Variants in SLCO1A2 observed in about 807,000 individuals in gnomAD.
The protein encoded by SLCO1A2 is solute carrier organic anion transporter family member 1A2.
SLCO1A2 carries 67 observed loss-of-function variants against 69.0 expected under a neutral mutation model. That is an observed-to-expected ratio of 0.97 (90% CI 0.80 to 1.19). The LOEUF (loss-of-function observed/expected upper bound fraction) is 1.19. Ranked by LOEUF, SLCO1A2 falls within the 50% of genes most tolerant of loss-of-function variation. SLCO1A2 has a pLI of 0.00. For missense variants in SLCO1A2, 787 were observed against 793.7 expected (o/e 0.99, Z 0.10); for synonymous variants, 260 against 265.9 (o/e 0.98, Z 0.22).
At chr12:21,413,309 G>A (rs775463232) in intron 1 of SLCO1A2, among the ~76,000 whole-genome samples, 14 of 128,922 alleles carry the variant, frequency 1.1e-4, no homozygotes, top group Non-Finnish European at 1.9e-4. Flanking sequence ...CACATTCTCT[G>A]TTCACTGCAA....
intron 4 of SLCO1A2, among the ~76,000 whole-genome samples, chr12:21,311,934 G>T (rs1250065254): frequency 6.6e-6 from 1 of 151,380 alleles, no homozygotes; most frequent in African/African-American, 2.4e-5. Context: ...TCAAAAAGAA[G>T]AAAGAAGAAG....
chr12:21,372,483 T>A lies in SLCO1A2; in HGVS notation c.-63+1916A>T, dbSNP rs547065573. Reference sequence around the variant, plus strand: ...ATACACCTTTCCCTTATATCTCCATTTATTCCTGAAGCTTCATGGGATTCA... The same window carrying A: ...ATACACCTTTCCCTTATATCTCCATATATTCCTGAAGCTTCATGGGATTCA... On this transcript the variant is annotated intron_variant, in intron 2 of 15. Transcript: ENST00000307378. 2.0e-5 allele frequency among the ~76,000 whole-genome samples: 3 copies of A among 152,272 alleles called. No homozygotes were observed. In the South Asian group the frequency reaches 6.2e-4, roughly 32 times the overall value.
chr12:21,300,929 A>G (rs1948638641), intron 7 of SLCO1A2, among the ~76,000 whole-genome samples: 1 of 152,214 alleles, frequency 6.6e-6, no homozygotes, highest in African/African-American at 2.4e-5. Flanking sequence ...CAAGAAATAT[A>G]GTTGAAGTGC....
intron 3 of SLCO1A2, among the ~76,000 whole-genome samples, chr12:21,316,168 C>G (rs908160750): frequency 1.3e-5 from 2 of 152,140 alleles, no homozygotes; most frequent in Non-Finnish European, 2.9e-5. Flanking sequence ...TACCACGTTC[C>G]TTCAGTTTGA....
intron 2 of SLCO1A2, among the ~76,000 whole-genome samples, chr12:21,371,056 G>A (rs796632549): frequency 2.2e-4 from 34 of 152,292 alleles, no homozygotes; most frequent in East Asian, 9.6e-4. Context: ...AGCTTACGGC[G>A]GTTTTGCAGT....
chr12:21,384,431 T>C (rs1332540113), intron 1 of SLCO1A2, among the ~76,000 whole-genome samples: 2 of 152,130 alleles, frequency 1.3e-5, no homozygotes, highest in Non-Finnish European at 2.9e-5. Flanking sequence ...ACCATAAAGA[T>C]ACTGGCTCTG....
rs575350657 is a variant in SLCO1A2, at chr12:21,291,880, T to C, written c.1610+284A>G. On this transcript the variant is annotated intron_variant, in intron 12 of 14. Transcript: ENST00000683939. ...CCATTTTATACGGCCTACCCTAAGATATAAATGTGTCTCTTTTGTCACAAA... is the reference window on the plus strand; with the variant it reads ...CCATTTTATACGGCCTACCCTAAGACATAAATGTGTCTCTTTTGTCACAAA... 4.6e-5 allele frequency among the ~76,000 whole-genome samples: 7 copies of C among 152,246 alleles called. No individual in the cohort carries two copies. The East Asian group carries it at 1.2e-3, about 25-fold the overall frequency.
chr12:21,299,618 T>C (rs1402368424), intron 8 of SLCO1A2, among the ~76,000 whole-genome samples: 1 of 150,948 alleles, frequency 6.6e-6, no homozygotes, highest in East Asian at 1.9e-4. Context: ...ACTAACACAC[T>C]GGTTACAAAA....
intron 9 of SLCO1A2, 119 bp downstream of exon 9, chr12:21,297,285 A>G: frequency 1.9e-6 from 1 of 518,742 alleles, no homozygotes; most frequent in East Asian, 3.3e-5. Flanking sequence ...TAGAAGGAAG[A>G]AATCCACCAG....
At chr12:21,365,801 C>A (rs1355095092) in intron 2 of SLCO1A2, among the ~76,000 whole-genome samples, 3 of 152,150 alleles carry the variant, frequency 2.0e-5, no homozygotes, top group Non-Finnish European at 2.9e-5. Context: ...TGAAAAAATG[C>A]TCATCATCAC....
At position 21,365,019 on chromosome 12, in the gene SLCO1A2, C is replaced by T. The variant is rs896232556; in HGVS notation, c.-63+9380G>A. On this transcript the variant is annotated intron_variant, in intron 2 of 15. Transcript: ENST00000307378. ...GCCATCCCCATCAAGCTACCAATGA[C>T]TTTCTTCACAGAATTGGAAAAAACT... Among the ~76,000 whole-genome samples the T allele has an allele frequency of 1.2e-4, 19 of 152,294 alleles. 1 individual carries two copies. In the South Asian group the frequency reaches 3.9e-3, roughly 32 times the overall value.
At chr12:21,297,360 T>G in intron 9 of SLCO1A2, 44 bp downstream of exon 9, 2 of 1,526,140 alleles carry the variant, frequency 1.3e-6, no homozygotes, top group Non-Finnish European at 9.0e-7. Context: ...ACACTGTTCG[T>G]GGGGGGGAAA....
chr12:21,394,942 G>A (rs527679603), exon 1 of SLCO1A2: 2 of 152,284 alleles, frequency 1.3e-5, no homozygotes, highest in East Asian at 1.9e-4. Flanking sequence ...AACATAGCAG[G>A]CACTTCACAA....
chr12:21,290,290 T>C (rs896294752), intron 12 of SLCO1A2, among the ~76,000 whole-genome samples: 18 of 152,020 alleles, frequency 1.2e-4, no homozygotes, highest in Admixed American at 1.2e-3. Flanking sequence ...CTACACAAAC[T>C]CAGTCAAAAT....
upstream of SLCO1A2, among the ~76,000 whole-genome samples, chr12:21,337,709 A>G (rs1224579504): frequency 6.6e-6 from 1 of 152,028 alleles, no homozygotes; most frequent in African/African-American, 2.4e-5. Context: ...AGAATCAACA[A>G]TGGCTTTTTG....
At chr12:21,288,776 C>A (rs1189584767) in intron 12 of SLCO1A2, among the ~76,000 whole-genome samples, 2 of 151,204 alleles carry the variant, frequency 1.3e-5, no homozygotes, top group Non-Finnish European at 1.5e-5. Context: ...CTCACATAAC[C>A]CATAAATATA....
In SLCO1A2 at chr12:21,297,418, G is replaced by A. The variant is rs1947900027; in HGVS notation, c.1061C>T (p.Ala354Val). 1.2e-6 allele frequency: 2 copies of A among 1,610,554 alleles called. No homozygotes were observed. The highest frequency in any genetic ancestry group is 2.2e-5 in the East Asian group (1 of 44,776). The change falls in exon 9 of 15, where the codon GCA (alanine) becomes GTA (valine). Residue 354 changes from alanine (A) to valine (V), a missense_variant. Ala to Val is a moderately conservative substitution (Grantham distance 64). Transcript: ENST00000683939. ...EQQYGISSSD[A>V]IFLMGIYNLP... ...AACAAACATACCCATTAGAAAGATT[G>A]CATCTGAAGATGATATTCCATATTG... is the stretch of plus-strand genomic sequence containing the variant.
At chr12:21,398,749 T>C (rs1176523965), upstream of SLCO1A2, among the ~76,000 whole-genome samples, 1 of 150,548 alleles carries the variant, frequency 6.6e-6, no homozygotes, top group Non-Finnish European at 1.5e-5. Context: ...GTAATCCACA[T>C]ATAAACAGAG....
At chr12:21,410,853 C>T (rs185338850) in intron 1 of SLCO1A2, among the ~76,000 whole-genome samples, 1 of 152,096 alleles carries the variant, frequency 6.6e-6, no homozygotes, top group Non-Finnish European at 1.5e-5. Context: ...ACATTTTCTT[C>T]ATATGTTTAT....
Sources: gnomAD v4.1 joint callset for allele counts (sites outside exome capture counted in the v4.1 genomes callset) on GRCh38, gnomAD v4.1.1 for gene constraint, MANE v1.5 for transcripts, NCBI Gene and HGNC (gene_info 2026-07-23, HGNC 2026-07-21) for gene names.